CNST: variants seen among roughly 807,000 people sequenced by gnomAD.
The protein encoded by CNST is consortin.
Under a neutral mutation model 72.4 loss-of-function variants are expected in CNST, and 39 were observed. The observed-to-expected ratio is 0.54, with a 90% CI of 0.42 to 0.70. The LOEUF (loss-of-function observed/expected upper bound fraction) is 0.70, where lower values mean the gene tolerates loss of function less well. Ranked by LOEUF, CNST falls within the 30% of genes least tolerant of loss-of-function variation. The pLI is 0.00. For missense variants in CNST, 871 were observed against 868.5 expected, an observed-to-expected ratio of 1.00 and a Z score of -0.04; for synonymous variants, 332 against 320.1, an observed-to-expected ratio of 1.04 and a Z score of -0.40.
intron 6 of CNST, among the ~76,000 whole-genome samples, chr1:246,637,067 C>T (rs552934447): frequency 1.2e-4 from 18 of 152,328 alleles, no homozygotes; most frequent in Admixed American, 2.6e-4. Context: ...GGTGTTTAGT[C>T]TTCCTCGTGT....
At position 246,631,915 on chromosome 1, in the gene CNST, G is replaced by A. The variant is rs2103096908; in HGVS notation, c.607G>A (p.Glu203Lys). ...LHQIAESYFQ[E>K]EDYEKAMKFI... ...ACAGATAGCAGAATCCTATTTCCAG[G>A]AGGAGGACTGTATCCTTTTCTTAAT... Residue 203 changes from glutamate to lysine, a missense_variant, in exon 4 of 11, where the codon GAG becomes AAG. By Grantham distance (56) the Glu-to-Lys change is moderately conservative (BLOSUM62 1). Coordinates refer to ENST00000366513, the MANE Select transcript of CNST (RefSeq NM_152609.3). The A allele has an allele frequency of 6.5e-7, 1 of 1,548,008 alleles. No homozygotes were observed. Among genetic ancestry groups the A allele is most frequent in the South Asian group, 1.2e-5 (1 of 85,124 alleles).
At chr1:246,629,754 CAG>C (rs1664656643) in intron 3 of CNST, among the ~76,000 whole-genome samples, 1 of 151,986 alleles carries the variant, frequency 6.6e-6, no homozygotes, top group Non-Finnish European at 1.5e-5. Context: ...TTTTTTGAGA[CAG>C]AGTTTCACAC....
At chr1:246,582,773 G>C (rs1440490424) in intron 1 of CNST, among the ~76,000 whole-genome samples, 1 of 152,136 alleles carries the variant, frequency 6.6e-6, no homozygotes, top group African/African-American at 2.4e-5. Context: ...CTTCTCTTGA[G>C]ATTACCTCTC....
chr1:246,644,345 C>T (rs988620519), intron 8 of CNST, among the ~76,000 whole-genome samples: 5 of 141,624 alleles, frequency 3.5e-5, no homozygotes, highest in South Asian at 2.2e-4. Context: ...GCTGAGATGG[C>T]GCCACTGCGC....
intron 9 of CNST, among the ~76,000 whole-genome samples, chr1:246,659,532 T>C (rs543717163): frequency 4.0e-5 from 6 of 151,790 alleles, no homozygotes; most frequent in African/African-American, 1.5e-4. Flanking sequence ...GAGGCGGAGA[T>C]TGCAGTGAGC....
chr1:246,580,094 C>T (rs945326330), intron 1 of CNST, among the ~76,000 whole-genome samples: 20 of 152,146 alleles, frequency 1.3e-4, no homozygotes, highest in African/African-American at 1.7e-4. Context: ...CTGGTACTTA[C>T]GAATGACGGG....
At chr1:246,589,115 T>A (rs963443931) in intron 1 of CNST, among the ~76,000 whole-genome samples, 1 of 151,992 alleles carries the variant, frequency 6.6e-6, no homozygotes, top group Non-Finnish European at 1.5e-5. Flanking sequence ...TTGTTTTATT[T>A]TATTTTATTA....
chr1:246,570,350 C>A (rs1334194695), intron 1 of CNST, among the ~76,000 whole-genome samples: 1 of 152,198 alleles, frequency 6.6e-6, no homozygotes, highest in East Asian at 1.9e-4. Context: ...ATCATTGTTC[C>A]TGTCTTGACC....
chr1:246,624,370 T>A (rs907737922), intron 3 of CNST, among the ~76,000 whole-genome samples: 1 of 152,228 alleles, frequency 6.6e-6, no homozygotes, highest in Non-Finnish European at 1.5e-5. Context: ...ACAAGCTAAG[T>A]GGCTTTTGGT....
At chr1:246,584,973 C>G in intron 1 of CNST, among the ~76,000 whole-genome samples, 1 of 152,156 alleles carries the variant, frequency 6.6e-6, no homozygotes, top group East Asian at 1.9e-4. Flanking sequence ...CTGGATTTAT[C>G]TTGCAGAGAG....
chr1:246,604,583 T>C (rs1662561744), intron 2 of CNST, among the ~76,000 whole-genome samples: 4 of 151,996 alleles, frequency 2.6e-5, no homozygotes, highest in African/African-American at 9.7e-5. Context: ...TTTCACTGTT[T>C]GGTTTGCTTT....
intron 10 of CNST, among the ~76,000 whole-genome samples, chr1:246,663,859 A>G (rs2103175721): frequency 6.6e-6 from 1 of 152,356 alleles, no homozygotes; most frequent in Admixed American, 6.5e-5. Flanking sequence ...ACCAAATTTA[A>G]CAGTGTTTAC....
intron 9 of CNST, among the ~76,000 whole-genome samples, chr1:246,650,896 T>G (rs2103142494): frequency 6.6e-6 from 1 of 152,214 alleles, no homozygotes; most frequent in African/African-American, 2.4e-5. Flanking sequence ...CAGGCTGGTC[T>G]TCAACTCCTG....
intron 9 of CNST, among the ~76,000 whole-genome samples, chr1:246,653,229 G>A (rs1161134427): frequency 6.6e-6 from 1 of 152,184 alleles, no homozygotes; most frequent in East Asian, 1.9e-4. Context: ...GAAGCTGTGA[G>A]TTTTCTTCCC....
At chr1:246,662,129 G>T in intron 10 of CNST, among the ~76,000 whole-genome samples, 1 of 152,158 alleles carries the variant, frequency 6.6e-6, no homozygotes, top group East Asian at 1.9e-4. Context: ...AAGCGTGTCA[G>T]ATAATATGTA....
chr1:246,579,754 C>G (rs1487145154), intron 1 of CNST, among the ~76,000 whole-genome samples: 1 of 151,974 alleles, frequency 6.6e-6, no homozygotes, highest in Admixed American at 6.6e-5. Flanking sequence ...GACTCTGTCT[C>G]AAATAAATAA....
chr1:246,629,262 C>T (rs969479864), intron 3 of CNST, among the ~76,000 whole-genome samples: 14 of 152,188 alleles, frequency 9.2e-5, no homozygotes, highest in African/African-American at 3.4e-4. Context: ...TTCTGCTCTA[C>T]TGGGCTAGCT....
At position 246,591,851 on chromosome 1, in the gene CNST, G is replaced by C. The variant is rs1295980725; in HGVS notation, c.289G>C (p.Asp97His). The C allele has an allele frequency of 1.2e-6, 2 of 1,614,088 alleles. No individual in the cohort carries two copies. Among genetic ancestry groups the C allele is most frequent in the South Asian group, 1.1e-5 (1 of 91,078 alleles). The stretch of plus-strand genomic sequence containing the variant: ...AAACACCCTTTGTGAAGCCTCCAGA[G>C]ATGAACAGGCCTTCTTGGGAAAGGA... ...LQNTLCEASR[D>H]EQAFLGKDKK... The change falls in exon 2 of 11, where the codon GAT becomes CAT. Residue 97 changes from aspartate (D) to histidine (H), a missense_variant. Physicochemically the swap from Asp to His is moderately conservative, Grantham distance 81. Transcript: ENST00000366513.
intron 2 of CNST, among the ~76,000 whole-genome samples, chr1:246,616,070 G>A (rs2103068724): frequency 6.6e-6 from 1 of 152,210 alleles, no homozygotes; most frequent in South Asian, 2.1e-4. Context: ...AGGTCACTTG[G>A]CTTTCACGGA....
Sources: gnomAD v4.1 joint callset for allele counts (sites outside exome capture counted in the v4.1 genomes callset) on GRCh38, gnomAD v4.1.1 for gene constraint, MANE v1.5 for transcripts, NCBI Gene and HGNC (gene_info 2026-07-23, HGNC 2026-07-21) for gene names.